HS6ST3: variants seen among roughly 807,000 people sequenced by gnomAD.
The protein encoded by HS6ST3 is heparan sulfate 6-O-sulfotransferase 3, also known as heparan-sulfate 6-O-sulfotransferase 3.
In HS6ST3, 12 loss-of-function variants were observed where a neutral mutation model predicts 36.7. The ratio of observed to expected loss-of-function variants is 0.33; its 90% CI spans 0.21 to 0.53. HS6ST3 has a LOEUF of 0.53. HS6ST3 is among the 20% of genes least tolerant of loss of function. HS6ST3 has a pLI of 0.95. For synonymous variants in HS6ST3, 240 were observed against 257.5 expected, an observed-to-expected ratio of 0.93 and a Z score of 0.65; for missense variants, 584 against 640.9, an observed-to-expected ratio of 0.91 and a Z score of 0.96.
chr13:96,397,562 C>T (rs2055428470), intron 1 of HS6ST3, among the ~76,000 whole-genome samples: 1 of 152,174 alleles, frequency 6.6e-6, no homozygotes, highest in African/African-American at 2.4e-5. Context: ...GCTTCTCCTA[C>T]AGAAAGATCA....
Position 96,799,950 on chromosome 13 carries a change from A to ATATATATATATG in HS6ST3, c.708-32529_708-32528insGTATATATATAT, listed in dbSNP as rs1566456751. ...TGAATACATATATGTGTGTGTATAT[A>ATATATATATATG]TATATATATATATGTGTATATATAT... On this transcript the variant is annotated intron_variant, in intron 1 of 1. Transcript: ENST00000376705. 4.7e-5 allele frequency among the ~76,000 whole-genome samples: 4 copies of ATATATATATATG among 85,676 alleles called. 1 individual carries two copies. Among genetic ancestry groups the ATATATATATATG allele is most frequent in the African/African-American group, 6.8e-5 (1 of 14,768 alleles). The allele number at this position is 85,676 out of a possible 152,430, so 56.2% of individuals were successfully genotyped here.
chr13:96,125,779 AT>A (rs893429898), intron 1 of HS6ST3, among the ~76,000 whole-genome samples: 12 of 150,614 alleles, frequency 8.0e-5, no homozygotes, highest in Non-Finnish European at 1.5e-4. Context: ...TTTATTTTTT[AT>A]TTTTTTATTA....
chr13:96,504,974 C>T (rs879370363), intron 1 of HS6ST3, among the ~76,000 whole-genome samples: 4 of 152,018 alleles, frequency 2.6e-5, no homozygotes, highest in Non-Finnish European at 5.9e-5. Context: ...GAACTATTAC[C>T]CTAGATGAGA....
chr13:96,669,500 A>G (rs753031088), intron 1 of HS6ST3, among the ~76,000 whole-genome samples: 23 of 152,156 alleles, frequency 1.5e-4, no homozygotes, highest in Non-Finnish European at 2.9e-4. Flanking sequence ...CTGAGCTCAC[A>G]TTGAGGAAGG....
At chr13:96,830,898 T>C (rs1878765333) in intron 1 of HS6ST3, among the ~76,000 whole-genome samples, 1 of 152,136 alleles carries the variant, frequency 6.6e-6, no homozygotes, top group Non-Finnish European at 1.5e-5. Flanking sequence ...GACTGGCTTG[T>C]GCTAAAGGAC....
chr13:96,154,901 T>A (rs1420500131), intron 1 of HS6ST3, among the ~76,000 whole-genome samples: 2 of 152,150 alleles, frequency 1.3e-5, no homozygotes, highest in East Asian at 3.9e-4. Context: ...TATTTATACC[T>A]GTAGACTCCC....
chr13:96,792,895 T>A (rs139845710), intron 1 of HS6ST3, among the ~76,000 whole-genome samples: 32 of 152,112 alleles, frequency 2.1e-4, no homozygotes, highest in African/African-American at 7.2e-4. Context: ...GCCCAGATGG[T>A]TTATACCTGG....
intron 1 of HS6ST3, among the ~76,000 whole-genome samples, chr13:96,298,248 G>A (rs1352893304): frequency 1.3e-5 from 2 of 152,132 alleles, no homozygotes; most frequent in African/African-American, 2.4e-5. Context: ...AGGATTTTCA[G>A]TAGAAAGGAA....
chr13:96,668,671 C>T (rs1594831864), intron 1 of HS6ST3, among the ~76,000 whole-genome samples: 1 of 120,958 alleles, frequency 8.3e-6, no homozygotes, highest in South Asian at 2.8e-4. Flanking sequence ...GGGAGCTGAG[C>T]ACAGTAGTGC....
intron 1 of HS6ST3, among the ~76,000 whole-genome samples, chr13:96,559,117 T>G (rs564560581): frequency 6.2e-4 from 94 of 150,520 alleles, no homozygotes; most frequent in African/African-American, 2.3e-3. Context: ...TATCTATCTA[T>G]CTATCTATTT....
At chr13:96,152,136 T>G (rs563431490) in intron 1 of HS6ST3, among the ~76,000 whole-genome samples, 3 of 152,276 alleles carry the variant, frequency 2.0e-5, no homozygotes, top group Admixed American at 6.5e-5. Flanking sequence ...TTCTTTTCTG[T>G]CTCTCAAGAT....
intron 1 of HS6ST3, among the ~76,000 whole-genome samples, chr13:96,423,803 G>A (rs1440571425): frequency 6.6e-6 from 1 of 152,046 alleles, no homozygotes; most frequent in Non-Finnish European, 1.5e-5. Context: ...ACTGTGTCGA[G>A]AATAGACTAG....
chr13:96,212,453 C>G (rs1347111616), intron 1 of HS6ST3, among the ~76,000 whole-genome samples: 1 of 152,196 alleles, frequency 6.6e-6, no homozygotes, highest in Non-Finnish European at 1.5e-5. Flanking sequence ...TTCTCTGAAT[C>G]TTATGTGCTT....
intron 1 of HS6ST3, among the ~76,000 whole-genome samples, chr13:96,533,929 C>A (rs979941410): frequency 7.3e-4 from 111 of 152,312 alleles, no homozygotes; most frequent in African/African-American, 2.6e-3. Context: ...TAGTCACTTG[C>A]CCTATCCATC....
chr13:96,415,213 T>C (rs1057296102), intron 1 of HS6ST3, among the ~76,000 whole-genome samples: 2 of 152,170 alleles, frequency 1.3e-5, no homozygotes, highest in African/African-American at 2.4e-5. Flanking sequence ...TGAGGGAAGT[T>C]GTCTGGGAAC....
rs1555326626 is a variant in HS6ST3 at position 96,831,977 on chromosome 13, A to AAC, written c.708-512_708-511insCA. On this transcript the variant is annotated intron_variant, in intron 1 of 1. Transcript: ENST00000376705. ...CTCAAAAAAAAAAAAAAAAAAAAAA[A>AAC]AAACAGAGATTAAGGAGAATACATG... Among the ~76,000 whole-genome samples, 909 of 116,042 alleles carry AAC rather than the reference A, an allele frequency of 7.8e-3. 106 individuals are homozygous for AAC. The highest frequency in any genetic ancestry group is 0.024 in the African/African-American group (734 of 30,626). 76.1% of individuals were successfully genotyped at this position (116,042 alleles called of 152,430 possible).
At chr13:96,392,516 G>T (rs1479340239) in intron 1 of HS6ST3, among the ~76,000 whole-genome samples, 2 of 152,124 alleles carry the variant, frequency 1.3e-5, no homozygotes, top group African/African-American at 4.8e-5. Flanking sequence ...CCAGAGCGTT[G>T]GTTTGAAGGA....
intron 1 of HS6ST3, among the ~76,000 whole-genome samples, chr13:96,784,141 T>C (rs117768182): frequency 6.6e-6 from 1 of 151,676 alleles, no homozygotes; most frequent in Non-Finnish European, 1.5e-5. Context: ...ATAAGTTGCG[T>C]GTTTATTTGT....
intron 1 of HS6ST3, among the ~76,000 whole-genome samples, chr13:96,578,897 C>A (rs539197313): frequency 6.6e-6 from 1 of 152,268 alleles, no homozygotes; most frequent in Admixed American, 6.5e-5. Context: ...CTGTGAGTGC[C>A]TTTTGGTCTA....
Sources: allele counts gnomAD v4.1 joint callset (sites outside exome capture counted in the v4.1 genomes callset), GRCh38; gene constraint gnomAD v4.1.1; transcripts MANE v1.5; gene names NCBI Gene and HGNC (gene_info 2026-07-23, HGNC 2026-07-21).